DGKQ: variants seen among roughly 807,000 people sequenced by gnomAD.
DGKQ encodes diacylglycerol kinase theta, also known as DAG kinase theta.
In DGKQ, 97 loss-of-function variants were observed where a neutral mutation model predicts 104.2. The observed-to-expected ratio is 0.93, with a 90% CI of 0.79 to 1.10. DGKQ has a LOEUF of 1.10. Ranked by LOEUF, DGKQ falls within the 50% of genes least tolerant of loss-of-function variation. DGKQ has a pLI of 0.00. For synonymous variants in DGKQ, 736 were observed against 595.2 expected, an observed-to-expected ratio of 1.24 and a Z score of -3.44; for missense variants, 1,465 against 1,352.1, an observed-to-expected ratio of 1.08 and a Z score of -1.31.
chr4:965,416 A>T, intron 14 of DGKQ, 75 bp downstream of exon 14: 1 of 1,557,458 alleles, frequency 6.4e-7, no homozygotes, highest in Non-Finnish European at 8.8e-7. Flanking sequence ...GTGCTACGTG[A>T]GGGCCAGGGC....
chr4:969,939 A>G (rs1712796913), intron 2 of DGKQ, among the ~76,000 whole-genome samples: 1 of 152,216 alleles, frequency 6.6e-6, no homozygotes, highest in African/African-American at 2.4e-5. Flanking sequence ...ATTTCCTATC[A>G]TGCATACAGT....
rs771030403 is a variant in DGKQ, at chr4:962,451, T to G, written c.2198A>C (p.Asp733Ala). Residue 733 changes from aspartate (D) to alanine (A), a missense_variant, in exon 18 of 23, where the codon GAC becomes GCC. Physicochemically the swap from Asp to Ala is moderately radical, Grantham distance 126. Transcript: ENST00000273814. ...EAGSAENDTA[D>A]AEPPKIVQMS... ...GCCCTGTACCTTGGGGGGCTCTGCG[T>G]CTGCCGTGTCGTTCTCTGCACTGCC... The G allele has an allele frequency of 6.3e-7, 1 of 1,586,926 alleles. No individual in the cohort carries two copies. Among genetic ancestry groups the G allele is most frequent in the Non-Finnish European group, 8.5e-7 (1 of 1,171,270 alleles).
Position 966,517 on chromosome 4 carries a change from C to T in DGKQ, c.1377G>A (p.Thr459=), listed in dbSNP as rs373354724. The change falls in exon 12 of 23, where the codon ACG becomes ACA. Residue 459 remains threonine (T), a synonymous_variant. Coordinates refer to ENST00000273814, the MANE Select transcript of DGKQ (RefSeq NM_001347.4). ...VAMGCRHVQR[T]MLMDEQPLLD... Reference sequence around the variant, plus strand: ...GCAGGGGCTGTTCGTCCATCAGCATCGTCCGCTGGACTGCAGAGGTGAGGG... The same window carrying T: ...GCAGGGGCTGTTCGTCCATCAGCATTGTCCGCTGGACTGCAGAGGTGAGGG... 9.9e-6 allele frequency: 16 copies of T among 1,612,242 alleles called. No individual in the cohort carries two copies. The highest frequency in any genetic ancestry group is 4.0e-5 in the African/African-American group (3 of 74,938).
At chr4:967,446 G>C in intron 8 of DGKQ, 85 bp from the exon 9 acceptor site, 1 of 1,399,120 alleles carries the variant, frequency 7.1e-7, no homozygotes, top group Non-Finnish European at 9.7e-7. Context: ...GGGAGGCCAG[G>C]TGGGTGAGGG....
intron 15 of DGKQ, 132 bp downstream of exon 15, chr4:965,044 C>T (rs761495494): frequency 4.5e-5 from 31 of 687,610 alleles, no homozygotes; most frequent in Middle Eastern, 2.6e-4. Context: ...CTACAAGCCC[C>T]CAGTGAATTC....
chr4:970,967 G>C (rs1350088869), intron 2 of DGKQ, 26 bp downstream of exon 2: 4 of 1,532,832 alleles, frequency 2.6e-6, no homozygotes, highest in Non-Finnish European at 3.5e-6. Flanking sequence ...GCCTCTTGCA[G>C]GTGCAACACC....
At chr4:960,769 A>G (rs1711827916) in intron 22 of DGKQ, 48 bp from the exon 23 acceptor site, 1 of 1,599,526 alleles carries the variant, frequency 6.3e-7, no homozygotes. Context: ...GGCCGATGAA[A>G]GAACGGTACA....
rs754730686 is a variant in DGKQ, at chr4:962,590, G to A, written c.2059C>T (p.Arg687Cys). The change falls in exon 18 of 23, where the codon CGC (arginine) becomes TGC (cysteine). Residue 687 changes from arginine to cysteine, a missense_variant. By Grantham distance (180) the Arg-to-Cys change is radical (BLOSUM62 -3). Transcript: ENST00000273814. ...TCGCCGCTGTAGCCCGCCCCCCAGC[G>A]GAGGACTCGACCAAGGTCATTCCCT... is the stretch of plus-strand genomic sequence containing the variant. ...GTGNDLGRVL[R>C]WGAGYSGEDP... 65 of 1,608,738 alleles carry A rather than the reference G, an allele frequency of 4.0e-5. No individual in the cohort carries two copies. Among genetic ancestry groups the A allele is most frequent in the South Asian group, 1.6e-4 (15 of 91,072 alleles).
rs370004917 is a variant in DGKQ, at chr4:961,452, C to T, written c.2574+15G>A. 5.7e-5 allele frequency: 90 copies of T among 1,576,744 alleles called. No homozygotes were observed. In the African/African-American group the frequency reaches 7.3e-4, roughly 13 times the overall value. On this transcript the variant is annotated intron_variant, in intron 21 of 22. Coordinates refer to ENST00000273814, the MANE Select transcript of DGKQ (RefSeq NM_001347.4). ...CCCACCCTGGGCTCGCCCGCCCACT[C>T]GGCCGGCGGCTCACCATGTGCACGA...
rs763924946 is a variant in DGKQ at position 962,836 on chromosome 4, C to G, written c.1971G>C (p.Leu657=). 6.2e-7 allele frequency: 1 copy of G among 1,606,590 alleles called. No individual in the cohort carries two copies. The highest frequency in any genetic ancestry group is 1.7e-5 in the Admixed American group (1 of 59,218). ...AGGCCAGTCGGTACCGTGTCTCCTC[C>G]AGGGCGCCAAGCACCCAGCCCACAG... ...DGTVGWVLGA[L]EETRYRLACP... Residue 657 remains leucine, a synonymous_variant, in exon 17 of 23, where the codon CTG becomes CTC. Coordinates refer to ENST00000273814, the MANE Select transcript of DGKQ (RefSeq NM_001347.4).
At chr4:972,602 G>C (rs1713020567) in intron 1 of DGKQ, among the ~76,000 whole-genome samples, 1 of 150,994 alleles carries the variant, frequency 6.6e-6, no homozygotes, top group Non-Finnish European at 1.5e-5. Flanking sequence ...CAGAGGCTGG[G>C]CTGTGGTCCC....
At chr4:972,205 C>T (rs1394670761) in intron 1 of DGKQ, among the ~76,000 whole-genome samples, 2 of 152,122 alleles carry the variant, frequency 1.3e-5, no homozygotes, top group Admixed American at 6.5e-5. Flanking sequence ...CGGAGTCTGG[C>T]CTCAAGTCGG....
At chr4:964,304 G>A (rs1285367456) in intron 15 of DGKQ, among the ~76,000 whole-genome samples, 1 of 152,236 alleles carries the variant, frequency 6.6e-6, no homozygotes, top group Non-Finnish European at 1.5e-5. Flanking sequence ...TTCTGCTCGA[G>A]TTCTGCTTCG....
chr4:962,791 G>A lies in DGKQ; in HGVS notation c.2016C>T (p.Ala672=). ...YRLACPEPSV[A]ILPLGTGNDL... is the part of the protein sequence containing the mutation. ...GCCCACCTGTGCCCAGGGGCAGGAT[G>A]GCCACAGAAGGCTCCGGGCAGGCCA... Residue 672 remains alanine (A), a synonymous_variant, in exon 17 of 23, where the codon GCC becomes GCT. Coordinates refer to ENST00000273814, the MANE Select transcript of DGKQ (RefSeq NM_001347.4). 6.2e-7 allele frequency: 1 copy of A among 1,605,846 alleles called. No homozygotes were observed. The highest frequency in any genetic ancestry group is 1.1e-5 in the South Asian group (1 of 89,764).
chr4:960,934 C>T, intron 22 of DGKQ, 115 bp downstream of exon 22: 1 of 1,527,018 alleles, frequency 6.5e-7, no homozygotes, highest in African/African-American at 1.4e-5. Flanking sequence ...CTCCCGGAGT[C>T]AGTGCTCCCT....
Position 966,009 on chromosome 4 carries a change from A to G in DGKQ, c.1498T>C (p.Ser500Pro), listed in dbSNP as rs1712294963. The change falls in exon 13 of 23, where the codon TCC (serine) becomes CCC (proline). Residue 500 changes from serine (S) to proline (P), a missense_variant. By Grantham distance (74) the Ser-to-Pro change is moderately conservative. Coordinates refer to ENST00000273814, the MANE Select transcript of DGKQ (RefSeq NM_001347.4). ...AESRDVAPHV[S>P]LFVGGLPPGL... The stretch of plus-strand genomic sequence containing the variant: ...GGAGGCAGGCCGCCAACAAACAGGG[A>G]GACGTGCGGGGCTACATCCCTGCTC... 6.2e-7 allele frequency: 1 copy of G among 1,605,600 alleles called. No homozygotes were observed. Among genetic ancestry groups the G allele is most frequent in the Non-Finnish European group, 8.5e-7 (1 of 1,177,044 alleles).
intron 8 of DGKQ, 33 bp downstream of exon 8, chr4:967,516 G>C: frequency 3.7e-6 from 6 of 1,600,564 alleles, no homozygotes; most frequent in Non-Finnish European, 5.1e-6. Flanking sequence ...GGTCCTGGGA[G>C]GGGGCTCAGA....
intron 1 of DGKQ, among the ~76,000 whole-genome samples, chr4:972,792 G>A (rs1713038269): frequency 6.6e-6 from 1 of 151,982 alleles, no homozygotes; most frequent in South Asian, 2.1e-4. Context: ...CACCGGGACG[G>A]CAGGGCCCGG....
rs1484784853 is a variant in DGKQ, at chr4:967,326, G to A, written c.1023C>T (p.Asp341=). Residue 341 remains aspartate (D), a synonymous_variant, in exon 9 of 23, where the codon GAC becomes GAT. Transcript: ENST00000273814. The part of the protein sequence containing the change: ...AALRAHHIPE[D]PGHLELCRLP... The stretch of plus-strand genomic sequence containing the variant: ...GCCGGCACAGCTCCAGGTGGCCAGG[G>A]TCCTCGGGGATGTGGTGGGCCCGCA... 4 of 1,538,178 alleles carry A rather than the reference G, an allele frequency of 2.6e-6. No individual in the cohort carries two copies. The highest frequency in any genetic ancestry group is 3.5e-6 in the Non-Finnish European group (4 of 1,147,252).
Sources: gnomAD v4.1 joint callset for allele counts (sites outside exome capture counted in the v4.1 genomes callset) on GRCh38, gnomAD v4.1.1 for gene constraint, MANE v1.5 for transcripts, NCBI Gene and HGNC (gene_info 2026-07-23, HGNC 2026-07-21) for gene names.